The following NPAS3 variants were observed in gnomAD, a reference collection of about 807,000 sequenced individuals.
NPAS3 encodes the protein neuronal PAS domain-containing protein 3.
In NPAS3, 14 loss-of-function variants were observed where a neutral mutation model predicts 73.1. That is an observed-to-expected ratio of 0.19 (90% confidence interval 0.13 to 0.30). NPAS3 has a LOEUF of 0.30. NPAS3 is among the 10% of genes least tolerant of loss of function. NPAS3 has a pLI of 1.00. For synonymous variants in NPAS3, 620 were observed against 541.5 expected (o/e 1.14, Z -2.01); for missense variants, 1,096 against 1,250.0 (o/e 0.88, Z 1.86).
chr14:32,954,105 A>G (rs1390561498), intron 1 of NPAS3, among the ~76,000 whole-genome samples: 4 of 152,196 alleles, frequency 2.6e-5, no homozygotes, highest in Non-Finnish European at 5.9e-5. Context: ...AATGCAACAC[A>G]AAGTCAACAA....
intron 3 of NPAS3, among the ~76,000 whole-genome samples, chr14:33,286,168 T>C (rs1333073177): frequency 6.6e-6 from 1 of 152,182 alleles, no homozygotes; most frequent in Admixed American, 6.5e-5. Flanking sequence ...TAAATGGCTA[T>C]AGCAGGGCTC....
At chr14:33,010,922 G>A (rs1365270208) in intron 1 of NPAS3, among the ~76,000 whole-genome samples, 1 of 133,038 alleles carries the variant, frequency 7.5e-6, no homozygotes, top group Non-Finnish European at 1.6e-5. Context: ...GTGAGTGACA[G>A]AGCCAGAACC....
At chr14:33,271,909 G>T (rs765729752) in intron 3 of NPAS3, among the ~76,000 whole-genome samples, 13 of 151,762 alleles carry the variant, frequency 8.6e-5, no homozygotes, top group Admixed American at 2.0e-4. Context: ...TTTTCAAAGA[G>T]AAAGTAGAAA....
At chr14:33,148,881 CT>C (rs1477119530) in intron 2 of NPAS3, among the ~76,000 whole-genome samples, 2 of 151,998 alleles carry the variant, frequency 1.3e-5, no homozygotes, top group Non-Finnish European at 2.9e-5. Flanking sequence ...GAGATGGGGT[CT>C]TGCCATGTTG....
chr14:33,679,577 G>A (rs4453377), intron 6 of NPAS3, among the ~76,000 whole-genome samples: 1 of 152,152 alleles, frequency 6.6e-6, no homozygotes, highest in Non-Finnish European at 1.5e-5. Flanking sequence ...GTGTAATTTA[G>A]TTGGGAAAGG....
downstream of NPAS3, chr14:33,801,936 C>T (rs1159238473): frequency 6.6e-6 from 1 of 151,944 alleles, no homozygotes; most frequent in African/African-American, 2.4e-5. Context: ...AGACAAAGCC[C>T]TCATTAACGT....
At chr14:33,250,690 G>A (rs2048550274) in intron 3 of NPAS3, among the ~76,000 whole-genome samples, 1 of 152,046 alleles carries the variant, frequency 6.6e-6, no homozygotes, top group South Asian at 2.1e-4. Flanking sequence ...CTTGATTGTG[G>A]TTATGAATGA....
At chr14:33,146,311 C>A (rs537500719) in intron 2 of NPAS3, among the ~76,000 whole-genome samples, 22 of 152,260 alleles carry the variant, frequency 1.4e-4, no homozygotes, top group African/African-American at 5.3e-4. Flanking sequence ...AACTGTTCTA[C>A]CACTTTCCAC....
intron 3 of NPAS3, among the ~76,000 whole-genome samples, chr14:33,290,002 G>A (rs1351636067): frequency 1.3e-5 from 2 of 152,050 alleles, no homozygotes; most frequent in Non-Finnish European, 2.9e-5. Flanking sequence ...ATCTTTTTAG[G>A]GAGGTGGAGT....
At chr14:33,482,876 A>T (rs529877182) in intron 4 of NPAS3, among the ~76,000 whole-genome samples, 1 of 152,318 alleles carries the variant, frequency 6.6e-6, no homozygotes, top group East Asian at 1.9e-4. Context: ...GAACTAAAGA[A>T]TTGTGTTGGT....
chr14:33,524,460 A>C (rs2053701418), intron 4 of NPAS3, among the ~76,000 whole-genome samples: 1 of 152,180 alleles, frequency 6.6e-6, no homozygotes, highest in African/African-American at 2.4e-5. Context: ...TTTTTACAAA[A>C]GAGGAAATTG....
intron 3 of NPAS3, among the ~76,000 whole-genome samples, chr14:33,329,655 G>A (rs1026833220): frequency 6.6e-6 from 1 of 152,104 alleles, no homozygotes; most frequent in Admixed American, 6.5e-5. Flanking sequence ...GCACGATGGG[G>A]TAGGCAGGGG....
At chr14:33,738,265 G>A (rs375271967) in intron 7 of NPAS3, among the ~76,000 whole-genome samples, 2 of 152,268 alleles carry the variant, frequency 1.3e-5, no homozygotes, top group South Asian at 2.1e-4. Context: ...AGCTACTGAA[G>A]CACCAGAATC....
chr14:33,310,794 C>T (rs1325495002), intron 3 of NPAS3, among the ~76,000 whole-genome samples: 2 of 22,918 alleles, frequency 8.7e-5, no homozygotes, highest in Non-Finnish European at 1.4e-4. Flanking sequence ...GTATGGTACA[C>T]ACACACACAC....
intron 1 of NPAS3, among the ~76,000 whole-genome samples, chr14:32,975,659 T>TA (rs1488908040): frequency 6.6e-6 from 1 of 152,220 alleles, no homozygotes; most frequent in Non-Finnish European, 1.5e-5. Context: ...TAATTAATCT[T>TA]ACATCAGTTT....
intron 4 of NPAS3, among the ~76,000 whole-genome samples, chr14:33,368,341 A>G (rs1460240579): frequency 6.6e-6 from 1 of 151,758 alleles, no homozygotes; most frequent in African/African-American, 2.4e-5. Context: ...AAAATAGCTC[A>G]TAGTCAAATC....
chr14:33,073,197 A>G (rs2041544929), intron 2 of NPAS3, among the ~76,000 whole-genome samples: 1 of 152,180 alleles, frequency 6.6e-6, no homozygotes, highest in Non-Finnish European at 1.5e-5. Context: ...TTTATCAAGG[A>G]AATATTTATT....
intron 5 of NPAS3, among the ~76,000 whole-genome samples, chr14:33,596,319 C>T (rs558138015): frequency 5.3e-5 from 8 of 152,286 alleles, no homozygotes; most frequent in Admixed American, 3.9e-4. Context: ...AGAATATGTG[C>T]GTTCAAAATG....
intron 7 of NPAS3, among the ~76,000 whole-genome samples, chr14:33,766,604 C>G (rs773956630): frequency 4.6e-5 from 7 of 152,138 alleles, no homozygotes; most frequent in Non-Finnish European, 1.0e-4. Flanking sequence ...CAACCTAATT[C>G]CTGCTGGTCT....
Sources: gnomAD v4.1 joint callset for allele counts (sites outside exome capture counted in the v4.1 genomes callset) on GRCh38, gnomAD v4.1.1 for gene constraint, MANE v1.5 for transcripts, NCBI Gene and HGNC (gene_info 2026-07-23, HGNC 2026-07-21) for gene names.